Variants in FREM1 observed in about 807,000 individuals in gnomAD.
FREM1 encodes FRAS1-related extracellular matrix protein 1.
Under a neutral mutation model 210.1 loss-of-function variants are expected in FREM1, and 220 were observed. That is an observed-to-expected ratio of 1.05 (90% CI 0.94 to 1.17). The LOEUF (loss-of-function observed/expected upper bound fraction) is 1.17. Among genes scored for constraint, FREM1 ranks in the 50% most tolerant of loss-of-function variants. The pLI, the probability that FREM1 is intolerant of heterozygous loss-of-function variation, is 0.00. For synonymous variants in FREM1, 1,189 were observed against 980.2 expected (o/e 1.21, Z -3.98); for missense variants, 3,454 against 2,675.5 (o/e 1.29, Z -6.42).
intron 25 of FREM1, among the ~76,000 whole-genome samples, chr9:14,773,688 T>G (rs1215403551): frequency 6.6e-6 from 1 of 151,918 alleles, no homozygotes; most frequent in Non-Finnish European, 1.5e-5. Context: ...CATTTTCCTA[T>G]CAGTAAATTC....
chr9:14,801,653 A>G lies in FREM1; in HGVS notation c.3693T>C (p.Thr1231=). Residue 1231 remains threonine (T), a splice_region_variant and synonymous_variant, in exon 20 of 37, where the codon ACT becomes ACC. Coordinates refer to ENST00000380880, the MANE Select transcript of FREM1 (RefSeq NM_001379081.2). ...VHSFSMELLK[T]GMRLTYMHDD... ...GCATGGAAGTGGAACATGCTATACCAGTCTTGAGGAGTTCCATGGAAAAGC... is the reference window on the plus strand; with the variant it reads ...GCATGGAAGTGGAACATGCTATACCGGTCTTGAGGAGTTCCATGGAAAAGC... The G allele has an allele frequency of 6.3e-7, 1 of 1,591,760 alleles. No individual in the cohort carries two copies. The highest frequency in any genetic ancestry group is 8.6e-7 in the Non-Finnish European group (1 of 1,159,574).
At chr9:14,774,474 A>C (rs1848181101) in intron 25 of FREM1, among the ~76,000 whole-genome samples, 1 of 151,328 alleles carries the variant, frequency 6.6e-6, no homozygotes, top group South Asian at 2.1e-4. Context: ...CCAGGCCCTA[A>C]AATTGCATGA....
At chr9:14,873,155 C>T (rs1367296663) in intron 1 of FREM1, among the ~76,000 whole-genome samples, 1 of 152,060 alleles carries the variant, frequency 6.6e-6, no homozygotes, top group African/African-American at 2.4e-5. Flanking sequence ...CTCTGCCAGG[C>T]TTTGGTATCA....
chr9:14,865,700 C>T (rs376028028), intron 2 of FREM1, among the ~76,000 whole-genome samples: 1 of 100,018 alleles, frequency 1.0e-5, no homozygotes, highest in African/African-American at 5.1e-5. Flanking sequence ...TGTGTGTGTG[C>T]ACATGCACTT....
At chr9:14,886,829 C>G (rs77177505) in intron 1 of FREM1, among the ~76,000 whole-genome samples, 12,024 of 141,906 alleles carry the variant, frequency 0.085, 1,562 homozygotes, top group African/African-American at 0.29. Flanking sequence ...GCCTGGAGAT[C>G]GAGGTTGCAC....
intron 5 of FREM1, among the ~76,000 whole-genome samples, chr9:14,852,299 C>G (rs933632807): frequency 6.6e-6 from 1 of 152,114 alleles, no homozygotes; most frequent in Non-Finnish European, 1.5e-5. Flanking sequence ...CATGCATCCT[C>G]CCAAAATGAG....
intron 36 of FREM1, among the ~76,000 whole-genome samples, chr9:14,738,825 C>A (rs1840887075): frequency 6.6e-6 from 1 of 151,902 alleles, no homozygotes; most frequent in Admixed American, 6.6e-5. Flanking sequence ...GCCTGGCCAA[C>A]ATGGTGAAAC....
intron 1 of FREM1, among the ~76,000 whole-genome samples, chr9:14,872,345 G>C (rs185819594): frequency 1.3e-5 from 2 of 152,066 alleles, no homozygotes; most frequent in Middle Eastern, 3.4e-3. Context: ...TTATTTCATT[G>C]AGCAGTGGTT....
chr9:14,845,414 C>T (rs1294240931), intron 8 of FREM1, among the ~76,000 whole-genome samples: 4 of 152,104 alleles, frequency 2.6e-5, no homozygotes, highest in African/African-American at 4.8e-5. Context: ...AAGCAATTCT[C>T]CTGTCTCAGC....
rs1564102773 is a variant in FREM1, at chr9:14,860,866, T to TATATATACGTATATATAC, written c.330-1400_330-1383dup. On this transcript the variant is annotated intron_variant, in intron 3 of 36. Coordinates refer to ENST00000380880, the MANE Select transcript of FREM1 (RefSeq NM_001379081.2). ...ATACATATATACGTATATATACACA[T>TATATATACGTATATATAC]ATATATACGTATATATACACATATA... Among the ~76,000 whole-genome samples, 286 of 46,152 alleles carry TATATATACGTATATATAC rather than the reference T, an allele frequency of 6.2e-3. 51 individuals carry two copies. The highest frequency in any genetic ancestry group is 7.9e-3 in the Non-Finnish European group (230 of 29,050). The allele number at this position is 46,152 out of a possible 152,430, so 30.3% of individuals were successfully genotyped here.
chr9:14,852,953 A>C (rs1828044533), intron 5 of FREM1, among the ~76,000 whole-genome samples: 1 of 152,160 alleles, frequency 6.6e-6, no homozygotes, highest in African/African-American at 2.4e-5. Context: ...CTAATTCCAG[A>C]CTCCAGAACT....
chr9:14,799,725 T>C (rs1486357971), intron 20 of FREM1, among the ~76,000 whole-genome samples: 3 of 152,216 alleles, frequency 2.0e-5, no homozygotes, highest in Non-Finnish European at 2.9e-5. Context: ...GGTAATATCA[T>C]CATTTATGTC....
chr9:14,807,765 C>T (rs1482917993), intron 17 of FREM1, among the ~76,000 whole-genome samples, 175 bp downstream of exon 17: 4 of 151,958 alleles, frequency 2.6e-5, no homozygotes, highest in African/African-American at 9.7e-5. Context: ...TTCTTTTGCC[C>T]CATAATCTTA....
chr9:14,909,822 A>T (rs1288129710), intron 1 of FREM1, 92 bp downstream of exon 1: 2 of 152,236 alleles, frequency 1.3e-5, no homozygotes, highest in African/African-American at 4.8e-5. Context: ...GTTACTTGGC[A>T]TTAATGATAT....
At chr9:14,809,993 C>T (rs1440739878) in intron 16 of FREM1, among the ~76,000 whole-genome samples, 3 of 152,006 alleles carry the variant, frequency 2.0e-5, no homozygotes, top group Non-Finnish European at 2.9e-5. Flanking sequence ...CCGGCCTGAT[C>T]GTGTGCAAGG....
intron 19 of FREM1, among the ~76,000 whole-genome samples, chr9:14,803,806 T>G (rs1479923956): frequency 6.6e-6 from 1 of 152,244 alleles, no homozygotes; most frequent in Non-Finnish European, 1.5e-5. Flanking sequence ...GATTTTCTTT[T>G]ATCTAGCCCT....
chr9:14,906,792 A>G (rs1327083445), intron 1 of FREM1, among the ~76,000 whole-genome samples: 1 of 152,188 alleles, frequency 6.6e-6, no homozygotes, highest in Non-Finnish European at 1.5e-5. Flanking sequence ...AGCAGCTGAT[A>G]ATGTTTGATA....
rs1033835288 is a variant in FREM1, at chr9:14,867,833, A to G, written c.234+911T>C. Among the ~76,000 whole-genome samples, 5 of 152,330 alleles carry G rather than the reference A, an allele frequency of 3.3e-5. No homozygotes were observed. In the East Asian group the frequency reaches 9.6e-4, roughly 29 times the overall value. On this transcript the variant is annotated intron_variant, in intron 2 of 36. Transcript: ENST00000380880. ...GGAGCAAAGTTACAGGACAGTGGGA[A>G]CAAGTAATAAAATCAGAAGCAATTT...
Position 14,861,139 on chromosome 9 carries a change from A to G in FREM1, c.330-1655T>C, listed in dbSNP as rs933513821. On this transcript the variant is annotated intron_variant, in intron 3 of 36. Coordinates refer to ENST00000380880, the MANE Select transcript of FREM1 (RefSeq NM_001379081.2). ...TATATACATATATACACATATATACATATATACACATATATACGTATATAC... is the reference window on the plus strand; with the variant it reads ...TATATACATATATACACATATATACGTATATACACATATATACGTATATAC... Among the ~76,000 whole-genome samples the G allele has an allele frequency of 1.0e-4, 13 of 124,518 alleles. No homozygotes were observed. The South Asian group carries it at 1.6e-3, about 16-fold the overall frequency. 81.7% of individuals were successfully genotyped at this position (124,518 alleles called of 152,430 possible). A position where few individuals can be genotyped will look rare whatever the true frequency, so the allele number is the denominator to read the frequency against.
Sources: allele counts gnomAD v4.1 joint callset (sites outside exome capture counted in the v4.1 genomes callset), GRCh38; gene constraint gnomAD v4.1.1; transcripts MANE v1.5; gene names NCBI Gene and HGNC (gene_info 2026-07-23, HGNC 2026-07-21).